Variants in PTCHD1 observed in about 807,000 individuals in gnomAD.
The protein encoded by PTCHD1 is patched domain containing 1.
In PTCHD1, 3 loss-of-function variants were observed where a neutral mutation model predicts 34.6. The observed-to-expected ratio is 0.09, with a 90% confidence interval of 0.04 to 0.22. The LOEUF (loss-of-function observed/expected upper bound fraction) is 0.22. Ranked by LOEUF, PTCHD1 falls within the 10% of genes least tolerant of loss-of-function variation. The probability of loss-of-function intolerance (pLI) is 1.00; values close to 1 mark genes in which losing one functional copy is unlikely to be tolerated. For synonymous variants in PTCHD1, 305 were observed against 283.1 expected (o/e 1.08, Z -0.77); for missense variants, 504 against 685.5 (o/e 0.74, Z 2.96).
chrX:23,354,203 G>A (rs1289215444), intron 1 of PTCHD1, among the ~76,000 whole-genome samples: 1 of 110,865 alleles, frequency 9.0e-6, no homozygotes, highest in Non-Finnish European at 1.9e-5. Context: ...GAACCAGCAT[G>A]GATGAGGAGG....
intron 1 of PTCHD1, among the ~76,000 whole-genome samples, chrX:23,338,083 T>G (rs1921217512): frequency 8.9e-6 from 1 of 111,821 alleles, no homozygotes; most frequent in Non-Finnish European, 1.9e-5. Context: ...GTGATATGAT[T>G]ACCATACTCT....
In PTCHD1 at chrX:23,394,450, A is replaced by ACACC. The variant is rs1254605131; in HGVS notation, c.*266_*267insACCC. 14 of 291,808 alleles carry ACACC rather than the reference A, an allele frequency of 4.8e-5. No homozygotes were observed. In the East Asian group the frequency reaches 7.2e-4, roughly 15 times the overall value. The allele number at this position is 291,808 out of a possible 1,213,427, so 24.0% of individuals were successfully genotyped here. Reference sequence around the variant, plus strand: ...CACACACACACACACACACACACACACCCTGGGAGACCTATAGTCTCTTAA... The same window carrying ACACC: ...CACACACACACACACACACACACACACACCCCCTGGGAGACCTATAGTCTCTTAA... On this transcript the variant is annotated 3_prime_UTR_variant, in exon 3 of 3. Transcript: ENST00000379361.
At chrX:23,377,850 A>G (rs1922453363) in intron 1 of PTCHD1, among the ~76,000 whole-genome samples, 1 of 111,523 alleles carries the variant, frequency 9.0e-6, no homozygotes, top group South Asian at 3.8e-4. Flanking sequence ...GCGCAGCAAA[A>G]TGTCTTAACA....
intron 1 of PTCHD1, among the ~76,000 whole-genome samples, chrX:23,342,310 A>ATTTT (rs1174366015): frequency 3.1e-4 from 4 of 12,937 alleles, no homozygotes; most frequent in African/African-American, 7.0e-4. Flanking sequence ...ATATATATAT[A>ATTTT]TTTTTTTTTT....
At chrX:23,341,652 A>G (rs761746906) in intron 1 of PTCHD1, among the ~76,000 whole-genome samples, 1 of 112,648 alleles carries the variant, frequency 8.9e-6, no homozygotes, top group Non-Finnish European at 1.9e-5. Context: ...GAATCCTGCC[A>G]GACTGATTTA....
At chrX:23,362,049 G>A (rs938023934) in intron 1 of PTCHD1, among the ~76,000 whole-genome samples, 4 of 112,283 alleles carry the variant, frequency 3.6e-5, no homozygotes, top group African/African-American at 1.3e-4. Context: ...CCCTTTGTGG[G>A]TAACCCGACC....
chrX:23,339,791 CA>C (rs1921261738), intron 1 of PTCHD1, among the ~76,000 whole-genome samples: 1 of 112,561 alleles, frequency 8.9e-6, no homozygotes, highest in South Asian at 3.6e-4. Flanking sequence ...ATTATAAACA[CA>C]ACAAAACAAA....
intron 1 of PTCHD1, among the ~76,000 whole-genome samples, chrX:23,378,064 G>A (rs928849072): frequency 3.6e-5 from 4 of 111,907 alleles, no homozygotes; most frequent in Middle Eastern, 4.6e-3. Flanking sequence ...AAGCACAGTC[G>A]TAGATGTACT....
chrX:23,396,215 GC>G lies in PTCHD1; in HGVS notation c.*2031del, dbSNP rs1376489370. On this transcript the variant is annotated 3_prime_UTR_variant, in exon 3 of 3. Coordinates refer to ENST00000379361, the MANE Select transcript of PTCHD1 (RefSeq NM_173495.3). Reference sequence around the variant, plus strand: ...CTAAATACATGTGCAGGGGATTGTAGCTAATGCATTACACAGTCGTTCAGTC... The same window carrying G: ...CTAAATACATGTGCAGGGGATTGTAGTAATGCATTACACAGTCGTTCAGTC... 8.9e-6 allele frequency: 1 copy of G among 112,297 alleles called. No homozygotes were observed. Among genetic ancestry groups the G allele is most frequent in the Non-Finnish European group, 1.9e-5 (1 of 53,249 alleles). The allele number at this position is 112,297 out of a possible 1,213,427, so 9.3% of individuals were successfully genotyped here. A position where few individuals can be genotyped will look rare whatever the true frequency, so the allele number is the denominator to read the frequency against.
At chrX:23,339,789 C>T (rs1921261524) in intron 1 of PTCHD1, among the ~76,000 whole-genome samples, 1 of 112,608 alleles carries the variant, frequency 8.9e-6, no homozygotes, top group Non-Finnish European at 1.9e-5. Context: ...AGATTATAAA[C>T]ACAACAAAAC....
In PTCHD1 at chrX:23,370,452, A is replaced by T. The variant is rs193253475; in HGVS notation, c.352-9139A>T. On this transcript the variant is annotated intron_variant, in intron 1 of 2. Coordinates refer to ENST00000379361, the MANE Select transcript of PTCHD1 (RefSeq NM_173495.3). ...GGGCAGTGGCTGAAATGCTCCTGTG[A>T]TTTTTAAGGGCAGTAGCTTTGTATG... Among the ~76,000 whole-genome samples, 7 of 112,212 alleles carry T rather than the reference A, an allele frequency of 6.2e-5. No homozygotes were observed. In the East Asian group the frequency reaches 2.0e-3, roughly 31 times the overall value.
intron 1 of PTCHD1, among the ~76,000 whole-genome samples, chrX:23,347,107 C>G (rs950271427): frequency 4.2e-4 from 47 of 111,974 alleles, no homozygotes; most frequent in Admixed American, 4.1e-3. Context: ...CCCATTTCAG[C>G]CCCCTTCAGC....
At chrX:23,358,511 A>G (rs1921876719) in intron 1 of PTCHD1, among the ~76,000 whole-genome samples, 1 of 111,516 alleles carries the variant, frequency 9.0e-6, no homozygotes, top group South Asian at 3.8e-4. Flanking sequence ...TTTTTCTTGT[A>G]AATTTGTTTG....
Position 23,361,718 on chromosome X carries a change from T to C in PTCHD1, c.352-17873T>C, listed in dbSNP as rs193266308. 3.6e-4 allele frequency among the ~76,000 whole-genome samples: 40 copies of C among 112,192 alleles called. 1 individual carries two copies. Among genetic ancestry groups the C allele is most frequent in the African/African-American group, 1.2e-3 (38 of 30,910 alleles). On this transcript the variant is annotated intron_variant, in intron 1 of 2. Coordinates refer to ENST00000379361, the MANE Select transcript of PTCHD1 (RefSeq NM_173495.3). ...TGATGTTAGCTGGTTATTTTGCCCA[T>C]TAGTTGATGCATTTTCTTCCTAGCA...
intron 1 of PTCHD1, among the ~76,000 whole-genome samples, chrX:23,368,574 G>A (rs759989512): frequency 8.1e-5 from 9 of 111,599 alleles, no homozygotes; most frequent in African/African-American, 2.6e-4. Context: ...CCCTGCCGTC[G>A]TGAAGCATAT....
At chrX:23,342,629 G>T (rs1237069549) in intron 1 of PTCHD1, among the ~76,000 whole-genome samples, 3 of 110,799 alleles carry the variant, frequency 2.7e-5, no homozygotes, top group South Asian at 3.9e-4. Flanking sequence ...TGCTGGTAAA[G>T]ATGACTCCAA....
chrX:23,361,106 T>G (rs1213939703), intron 1 of PTCHD1, among the ~76,000 whole-genome samples: 2 of 112,119 alleles, frequency 1.8e-5, no homozygotes, highest in Non-Finnish European at 3.8e-5. Context: ...GGTGTGGTGC[T>G]GAGAAGAATG....
rs934396719 is a variant in PTCHD1, at chrX:23,400,963, C to G, written c.*6778C>G. 5 of 110,837 alleles carry G rather than the reference C, an allele frequency of 4.5e-5. No individual in the cohort carries two copies. The highest frequency in any genetic ancestry group is 1.7e-4 in the African/African-American group (5 of 30,164). The allele number at this position is 110,837 out of a possible 1,213,427, so 9.1% of individuals were successfully genotyped here. A position where few individuals can be genotyped will look rare whatever the true frequency, so the allele number is the denominator to read the frequency against. The stretch of plus-strand genomic sequence containing the variant: ...CTCCACCTCCCAGGTTCACGACATT[C>G]TCCTGCCTCAGCCTCCTGAGTAGCT... On this transcript the variant is annotated 3_prime_UTR_variant, in exon 3 of 3. Coordinates refer to ENST00000379361, the MANE Select transcript of PTCHD1 (RefSeq NM_173495.3).
At chrX:23,352,121 G>T (rs767699339) in intron 1 of PTCHD1, among the ~76,000 whole-genome samples, 13 of 112,055 alleles carry the variant, frequency 1.2e-4, no homozygotes, top group African/African-American at 4.2e-4. Flanking sequence ...AGAGCCATGG[G>T]CCTTGATTTT....
Sources: gnomAD v4.1 joint callset for allele counts (sites outside exome capture counted in the v4.1 genomes callset) on GRCh38, gnomAD v4.1.1 for gene constraint, MANE v1.5 for transcripts, NCBI Gene and HGNC (gene_info 2026-07-23, HGNC 2026-07-21) for gene names.